The following PLCH1 variants were observed in gnomAD, a reference collection of about 807,000 sequenced individuals.
PLCH1 encodes 1-phosphatidylinositol 4,5-bisphosphate phosphodiesterase eta-1.
PLCH1 carries 60 observed loss-of-function variants against 126.7 expected under a neutral mutation model. The observed-to-expected ratio is 0.47, with a 90% CI of 0.38 to 0.59. PLCH1 has a LOEUF of 0.59. PLCH1 is among the 20% of genes least tolerant of loss of function. The pLI, the probability that PLCH1 is intolerant of heterozygous loss-of-function variation, is 0.00. For synonymous variants in PLCH1, 719 were observed against 734.9 expected (o/e 0.98, Z 0.35); for missense variants, 1,723 against 2,040.0 (o/e 0.84, Z 2.99).
intron 1 of PLCH1, among the ~76,000 whole-genome samples, chr3:155,734,014 T>TTAAAATCA (rs1205404348): frequency 1.4e-5 from 2 of 139,812 alleles, no homozygotes; most frequent in Non-Finnish European, 3.1e-5. Context: ...AAAGTGCAAA[T>TTAAAATCA]TAAAATCACA....
chr3:155,451,263 G>A (rs920560945), intron 21 of PLCH1, among the ~76,000 whole-genome samples: 1 of 145,006 alleles, frequency 6.9e-6, no homozygotes, highest in African/African-American at 2.8e-5. Flanking sequence ...ATAGGTAAGG[G>A]TGTGATGAAA....
chr3:155,471,022 C>T (rs949666720), intron 21 of PLCH1, among the ~76,000 whole-genome samples: 19 of 150,616 alleles, frequency 1.3e-4, no homozygotes, highest in African/African-American at 4.2e-4. Flanking sequence ...CATCAACTAA[C>T]GAGCAAAATA....
intron 19 of PLCH1, among the ~76,000 whole-genome samples, chr3:155,489,349 G>T (rs1304046018): frequency 6.6e-6 from 1 of 151,788 alleles, no homozygotes; most frequent in Non-Finnish European, 1.5e-5. Flanking sequence ...AGTAGAGCAG[G>T]GTTTTGGTTT....
At chr3:155,660,833 A>G (rs115677315) in intron 2 of PLCH1, among the ~76,000 whole-genome samples, 1,917 of 152,326 alleles carry the variant, frequency 0.013, 43 homozygotes, top group African/African-American at 0.043. Context: ...TATGTATCTC[A>G]GGATGAGTGA....
chr3:155,493,447 G>C (rs867810560), intron 17 of PLCH1, among the ~76,000 whole-genome samples: 2 of 152,136 alleles, frequency 1.3e-5, no homozygotes, highest in South Asian at 4.1e-4. Context: ...GAGTGCAGTG[G>C]TGTGATCTTG....
At chr3:155,545,363 C>T (rs1168961448) in intron 10 of PLCH1, among the ~76,000 whole-genome samples, 239 of 151,986 alleles carry the variant, frequency 1.6e-3, no homozygotes, top group African/African-American at 5.6e-3. Context: ...CTGAATAGAC[C>T]AATAACAGGC....
At chr3:155,709,049 A>G (rs905592632) in intron 1 of PLCH1, among the ~76,000 whole-genome samples, 41 of 152,186 alleles carry the variant, frequency 2.7e-4, no homozygotes, top group Admixed American at 2.7e-3. Context: ...AGCCTTTTCC[A>G]ATTGGCTTCT....
At chr3:155,539,235 G>A (rs569638087) in intron 10 of PLCH1, among the ~76,000 whole-genome samples, 21 of 152,098 alleles carry the variant, frequency 1.4e-4, no homozygotes, top group African/African-American at 4.1e-4. Context: ...CAGCAAAATC[G>A]GCATAGAAGG....
chr3:155,705,571 T>C (rs1211869875), intron 1 of PLCH1, among the ~76,000 whole-genome samples: 1 of 152,236 alleles, frequency 6.6e-6, no homozygotes, highest in East Asian at 1.9e-4. Context: ...CAAAGTTCTC[T>C]TCTTTAGAAA....
rs892781280 is a variant in PLCH1, at chr3:155,686,476, T to C, written c.79+17670A>G. Among the ~76,000 whole-genome samples the C allele has an allele frequency of 2.6e-5, 4 of 152,334 alleles. No homozygotes were observed. In the East Asian group the frequency reaches 7.7e-4, roughly 29 times the overall value. The stretch of plus-strand genomic sequence containing the variant: ...CTTGGGAATCAGCAAGCTGCTCTAC[T>C]TAGAATGAGACCAAGGAATTTTTGA... On this transcript the variant is annotated intron_variant, in intron 2 of 22. Coordinates refer to ENST00000460012, the MANE Select transcript of PLCH1 (RefSeq NM_014996.4).
chr3:155,482,738 A>G lies in PLCH1; in HGVS notation c.3288T>C (p.Gly1096=), dbSNP rs1397861999. Residue 1096 remains glycine, a synonymous_variant, in exon 23 of 23, where the codon GGT becomes GGC. Transcript: ENST00000460012. ...PVVNPTQDLH[G]VKIKEKGNPE... ...GATTACCCTTTTCCTTGATTTTCAC[A>G]CCATGCAGATCTTGTGTGGGGTTAA... The G allele has an allele frequency of 1.2e-6, 2 of 1,614,104 alleles. No homozygotes were observed. Among genetic ancestry groups the G allele is most frequent in the Admixed American group, 1.7e-5 (1 of 60,016 alleles).
intron 2 of PLCH1, among the ~76,000 whole-genome samples, chr3:155,606,110 A>C (rs1337579725): frequency 6.6e-6 from 1 of 152,198 alleles, no homozygotes; most frequent in African/African-American, 2.4e-5. Context: ...ACAGATATCA[A>C]AGCTATACGT....
At chr3:155,546,006 C>A (rs1026182801) in intron 10 of PLCH1, among the ~76,000 whole-genome samples, 3 of 151,924 alleles carry the variant, frequency 2.0e-5, no homozygotes, top group African/African-American at 4.8e-5. Flanking sequence ...CTCACCACTC[C>A]TATTCAACAT....
chr3:155,555,244 C>T (rs1271096019), intron 8 of PLCH1, among the ~76,000 whole-genome samples: 1 of 152,236 alleles, frequency 6.6e-6, no homozygotes, highest in African/African-American at 2.4e-5. Context: ...CATTCACTAA[C>T]CCTGTTTCTT....
intron 2 of PLCH1, chr3:155,658,056 G>A (rs73156552): frequency 0.053 from 11,292 of 212,286 alleles, 363 homozygotes; most frequent in Middle Eastern, 0.1. Flanking sequence ...TTACAAAACC[G>A]GTTGGTGGTG....
At chr3:155,744,324 G>A (rs1410265945) in intron 1 of PLCH1, among the ~76,000 whole-genome samples, 1 of 152,178 alleles carries the variant, frequency 6.6e-6, no homozygotes, top group Non-Finnish European at 1.5e-5. Context: ...TATCCTCCTC[G>A]CGCTGAGCAC....
intron 5 of PLCH1, among the ~76,000 whole-genome samples, chr3:155,584,121 AC>A (rs1474222389): frequency 6.6e-6 from 1 of 152,142 alleles, no homozygotes; most frequent in Non-Finnish European, 1.5e-5. Context: ...TAAATTATAA[AC>A]AAAAGCAAAA....
At chr3:155,625,647 G>C (rs10936012) in intron 2 of PLCH1, among the ~76,000 whole-genome samples, 73,898 of 152,084 alleles carry the variant, frequency 0.49, 20,341 homozygotes, top group African/African-American at 0.74. Context: ...CTGGTCATTA[G>C]AGAAATGCAA....
intron 10 of PLCH1, among the ~76,000 whole-genome samples, chr3:155,541,490 T>C (rs1366772060): frequency 6.6e-6 from 1 of 152,196 alleles, no homozygotes; most frequent in African/African-American, 2.4e-5. Context: ...CATACTGTTA[T>C]GTCTTAGGAA....
Sources: allele counts gnomAD v4.1 joint callset (sites outside exome capture counted in the v4.1 genomes callset), GRCh38; gene constraint gnomAD v4.1.1; transcripts MANE v1.5; gene names NCBI Gene and HGNC (gene_info 2026-07-23, HGNC 2026-07-21).